The following FSTL5 variants were observed in gnomAD, a reference collection of about 807,000 sequenced individuals.
The protein encoded by FSTL5 is follistatin like 5.
In FSTL5, 62 loss-of-function variants were observed where a neutral mutation model predicts 89.1. The ratio of observed to expected loss-of-function variants is 0.70; its 90% confidence interval spans 0.57 to 0.86. FSTL5 has a LOEUF of 0.86. FSTL5 is among the 40% of genes least tolerant of loss of function. The probability of loss-of-function intolerance (pLI) is 0.00; values close to 1 mark genes in which losing one functional copy is unlikely to be tolerated. For synonymous variants in FSTL5, 383 were observed against 346.2 expected (o/e 1.11, Z -1.18); for missense variants, 1,057 against 1,001.6 (o/e 1.06, Z -0.75).
intron 2 of FSTL5, among the ~76,000 whole-genome samples, chr4:162,081,078 T>A (rs909706908): frequency 1.3e-5 from 2 of 151,686 alleles, no homozygotes; most frequent in African/African-American, 4.8e-5. Flanking sequence ...TTAGGGCATA[T>A]TTTTATCCAC....
At position 161,712,280 on chromosome 4, in the gene FSTL5, T is replaced by G. The variant is rs193018192; in HGVS notation, c.727+47131A>C. Among the ~76,000 whole-genome samples the G allele has an allele frequency of 2.5e-3, 383 of 152,118 alleles. 3 individuals carry two copies. Among genetic ancestry groups the G allele is most frequent in the Non-Finnish European group, 3.7e-3 (254 of 67,992 alleles). ...ATTCAATTTTATGTAAATTAAATAT[T>G]AATAAAAGTGTTTAAAAAGAATAAA... On this transcript the variant is annotated intron_variant, in intron 6 of 15. Transcript: ENST00000306100.
intron 7 of FSTL5, among the ~76,000 whole-genome samples, chr4:161,620,881 A>AAGAT (rs1298437368): frequency 6.6e-6 from 1 of 152,218 alleles, no homozygotes; most frequent in Non-Finnish European, 1.5e-5. Flanking sequence ...ATAGAGATTC[A>AAGAT]AGATATATGA....
chr4:161,699,836 G>A (rs1166326846), intron 6 of FSTL5, among the ~76,000 whole-genome samples: 1 of 152,044 alleles, frequency 6.6e-6, no homozygotes. Context: ...ACCTAGAACA[G>A]GAAATGAAAC....
At chr4:161,984,589 T>C (rs1234303857) in intron 3 of FSTL5, among the ~76,000 whole-genome samples, 1 of 152,140 alleles carries the variant, frequency 6.6e-6, no homozygotes, top group Non-Finnish European at 1.5e-5. Flanking sequence ...TTCCACTTTC[T>C]TGCCCAGGCT....
At chr4:161,589,350 T>C (rs928090671) in intron 7 of FSTL5, among the ~76,000 whole-genome samples, 12 of 150,778 alleles carry the variant, frequency 8.0e-5, no homozygotes, top group Non-Finnish European at 1.8e-4. Flanking sequence ...GCCCTGCTAA[T>C]TTTTTGTATT....
At chr4:161,634,550 T>A (rs1225736514) in intron 7 of FSTL5, among the ~76,000 whole-genome samples, 1 of 152,172 alleles carries the variant, frequency 6.6e-6, no homozygotes. Flanking sequence ...AATGATAGGT[T>A]ATCCAATCTT....
chr4:161,769,647 T>C (rs190228739), intron 5 of FSTL5, among the ~76,000 whole-genome samples: 1 of 151,864 alleles, frequency 6.6e-6, no homozygotes, highest in Non-Finnish European at 1.5e-5. Context: ...CCCTTCATGA[T>C]AAAAAGCTTA....
chr4:162,026,368 G>T (rs1214673750), intron 3 of FSTL5, among the ~76,000 whole-genome samples: 1 of 130,102 alleles, frequency 7.7e-6, no homozygotes, highest in Middle Eastern at 5.1e-3. Flanking sequence ...GAGTGCAGTG[G>T]TGTGATCTCG....
chr4:162,112,775 TCACACACACACACACACACACACACA>T (rs71598742), intron 1 of FSTL5, among the ~76,000 whole-genome samples: 2 of 139,424 alleles, frequency 1.4e-5, no homozygotes, highest in East Asian at 4.5e-4. Flanking sequence ...ACCGACACAA[TCACACACACACACACACACACACACA>T]CACACACACA....
At chr4:161,568,181 A>G (rs1338057579) in intron 8 of FSTL5, among the ~76,000 whole-genome samples, 1 of 152,024 alleles carries the variant, frequency 6.6e-6, no homozygotes, top group African/African-American at 2.4e-5. Flanking sequence ...AATGCAGGTA[A>G]TATTTTGTCC....
rs138472919 is a variant in FSTL5, at chr4:161,515,482, C to T, written c.1313-5058G>A. Among the ~76,000 whole-genome samples the T allele has an allele frequency of 3.8e-4, 58 of 152,082 alleles. 2 individuals are homozygous for T. The East Asian group carries it at 0.011, about 29-fold the overall frequency. On this transcript the variant is annotated intron_variant, in intron 10 of 15. Coordinates refer to ENST00000306100, the MANE Select transcript of FSTL5 (RefSeq NM_020116.5). The stretch of plus-strand genomic sequence containing the variant: ...TTGGCCTCCCAGAGTGCTGGGATTA[C>T]AAGCATATAATGCATTTTTTCATGT...
At chr4:161,721,284 CAAA>C (rs34307838) in intron 6 of FSTL5, among the ~76,000 whole-genome samples, 5 of 65,124 alleles carry the variant, frequency 7.7e-5, no homozygotes, top group African/African-American at 2.2e-4. Flanking sequence ...GACTCCGTCT[CAAA>C]AAAAAAAAAA....
At chr4:161,628,456 A>G (rs1735388155) in intron 7 of FSTL5, among the ~76,000 whole-genome samples, 2 of 152,194 alleles carry the variant, frequency 1.3e-5, no homozygotes, top group Admixed American at 1.3e-4. Flanking sequence ...TAAAGGAAAC[A>G]CACAAATTGC....
chr4:161,701,858 T>A (rs562930897), intron 6 of FSTL5, among the ~76,000 whole-genome samples: 1 of 152,256 alleles, frequency 6.6e-6, no homozygotes, highest in East Asian at 1.9e-4. Flanking sequence ...TTACTTATGT[T>A]TTGATTCTTG....
chr4:161,783,359 T>A (rs537015368), intron 4 of FSTL5, among the ~76,000 whole-genome samples: 20 of 152,234 alleles, frequency 1.3e-4, no homozygotes, highest in African/African-American at 4.8e-4. Flanking sequence ...GTAAATTAAG[T>A]GATTTCCCTA....
intron 7 of FSTL5, among the ~76,000 whole-genome samples, chr4:161,648,377 A>C (rs2126675475): frequency 6.6e-6 from 1 of 152,262 alleles, no homozygotes; most frequent in East Asian, 1.9e-4. Context: ...TAGAGGTTTG[A>C]GCAGCGGGGC....
At chr4:161,756,115 G>T (rs1035830731) in intron 6 of FSTL5, among the ~76,000 whole-genome samples, 1 of 152,038 alleles carries the variant, frequency 6.6e-6, no homozygotes, top group African/African-American at 2.4e-5. Flanking sequence ...TACCTTACAA[G>T]AAGTTTGCTT....
chr4:161,533,218 C>A (rs1731485431), intron 10 of FSTL5, among the ~76,000 whole-genome samples: 1 of 145,980 alleles, frequency 6.9e-6, no homozygotes, highest in Non-Finnish European at 1.5e-5. Context: ...AAGAAAATAA[C>A]TAGAATGAGA....
At chr4:161,845,402 T>C (rs988159970) in intron 4 of FSTL5, among the ~76,000 whole-genome samples, 32 of 152,176 alleles carry the variant, frequency 2.1e-4, no homozygotes, top group African/African-American at 7.2e-4. Context: ...GGGAGCTGCC[T>C]TCAGAACCAG....
Sources: gnomAD v4.1 joint callset for allele counts (sites outside exome capture counted in the v4.1 genomes callset) on GRCh38, gnomAD v4.1.1 for gene constraint, MANE v1.5 for transcripts, NCBI Gene and HGNC (gene_info 2026-07-23, HGNC 2026-07-21) for gene names.